Variants in CASK observed in about 807,000 individuals in gnomAD.
The protein encoded by CASK is peripheral plasma membrane protein CASK.
CASK carries 4 observed loss-of-function variants against 82.9 expected under a neutral mutation model. The observed-to-expected ratio is 0.05, with a 90% CI of 0.02 to 0.11. The LOEUF is 0.11. Ranked by LOEUF, CASK falls within the 10% of genes least tolerant of loss-of-function variation. The pLI is 1.00. For synonymous variants in CASK, 259 were observed against 253.5 expected (o/e 1.02, Z -0.20); for missense variants, 358 against 720.9 (o/e 0.50, Z 5.76).
intron 9 of CASK, among the ~76,000 whole-genome samples, chrX:41,627,789 G>A (rs1381613998): frequency 8.9e-6 from 1 of 112,447 alleles, no homozygotes; most frequent in Non-Finnish European, 1.9e-5. Context: ...GAACACCTGA[G>A]GTCGGGAGTT....
At chrX:41,691,712 C>T (rs1307298685) in intron 5 of CASK, among the ~76,000 whole-genome samples, 1 of 108,197 alleles carries the variant, frequency 9.2e-6, no homozygotes, top group African/African-American at 3.4e-5. Context: ...CAAAAATTAG[C>T]TGGATGTGGT....
intron 12 of CASK, among the ~76,000 whole-genome samples, chrX:41,596,194 C>CAAA (rs146680841): frequency 1.6e-5 from 1 of 61,588 alleles, no homozygotes; most frequent in Non-Finnish European, 2.9e-5. Context: ...GACTCTGTCT[C>CAAA]AAAAAAAAAA....
chrX:41,834,565 C>G (rs1325784541), intron 2 of CASK, among the ~76,000 whole-genome samples: 1 of 110,996 alleles, frequency 9.0e-6, no homozygotes, highest in Non-Finnish European at 1.9e-5. Flanking sequence ...CTTCCTCCCA[C>G]CAAGTTCTTT....
chrX:41,542,964 T>C (rs1372797737), intron 21 of CASK, among the ~76,000 whole-genome samples, 158 bp from the exon 22 acceptor site: 1 of 112,763 alleles, frequency 8.9e-6, no homozygotes, highest in Non-Finnish European at 1.9e-5. Context: ...TTGGTTTTCA[T>C]GACAATTTCC....
At chrX:41,732,446 C>T (rs1251399981) in intron 5 of CASK, among the ~76,000 whole-genome samples, 3 of 111,262 alleles carry the variant, frequency 2.7e-5, no homozygotes, top group African/African-American at 3.3e-5. Flanking sequence ...GTGGGAGTTA[C>T]GGGCAAATCT....
At chrX:41,760,589 T>C (rs917893971) in intron 3 of CASK, among the ~76,000 whole-genome samples, 1 of 110,777 alleles carries the variant, frequency 9.0e-6, no homozygotes, top group Non-Finnish European at 1.9e-5. Flanking sequence ...CAGACAGGGT[T>C]TCATGGGGTT....
chrX:41,894,980 A>T (rs111327832), intron 1 of CASK, among the ~76,000 whole-genome samples: 178 of 111,851 alleles, frequency 1.6e-3, no homozygotes, highest in African/African-American at 5.6e-3. Flanking sequence ...GAATCTTTGA[A>T]ATGGTATATC....
At chrX:41,726,947 G>A in intron 5 of CASK, 1 of 526,747 alleles carries the variant, frequency 1.9e-6, no homozygotes, top group Non-Finnish European at 3.0e-6. Context: ...CTTAAATACT[G>A]TACCAAAAAT....
chrX:41,690,873 A>G (rs1366726576), intron 5 of CASK, among the ~76,000 whole-genome samples: 1 of 108,567 alleles, frequency 9.2e-6, no homozygotes, highest in Non-Finnish European at 1.9e-5. Flanking sequence ...GGGTTTCACC[A>G]TCTTGCCCAG....
At chrX:41,729,806 ATG>A (rs1365367795) in intron 5 of CASK, 2 of 88,121 alleles carry the variant, frequency 2.3e-5, no homozygotes, top group Non-Finnish European at 2.4e-5. Context: ...ATATATATAT[ATG>A]TATGTATGTA....
intron 22 of CASK, among the ~76,000 whole-genome samples, chrX:41,537,394 A>G (rs956972451): frequency 4.5e-5 from 5 of 111,595 alleles, no homozygotes; most frequent in Non-Finnish European, 7.5e-5. Flanking sequence ...CTTGCTGATT[A>G]AAAAAAGGAC....
chrX:41,656,993 G>A (rs1023277010), intron 8 of CASK, among the ~76,000 whole-genome samples: 7 of 111,080 alleles, frequency 6.3e-5, no homozygotes, highest in Admixed American at 2.9e-4. Flanking sequence ...TGTGCAAAAC[G>A]GGTTAATTGT....
intron 11 of CASK, among the ~76,000 whole-genome samples, chrX:41,614,704 A>G (rs1465094534): frequency 9.0e-6 from 1 of 111,534 alleles, no homozygotes; most frequent in Non-Finnish European, 1.9e-5. Context: ...TATTTTTAGT[A>G]GAGACGGGGT....
Position 41,561,832 on chromosome X carries a change from C to G in CASK, c.1583-188G>C. On this transcript the variant is annotated intron_variant, in intron 16 of 26. Coordinates refer to ENST00000378163, the MANE Select transcript of CASK (RefSeq NM_001367721.1). ...AGTAACCTCATCAAAACAGATATAT[C>G]TACTTGTGGAAGGCACAGTTTTGAT... 9.6e-6 allele frequency: 4 copies of G among 417,033 alleles called. No individual in the cohort carries two copies. In the South Asian group the frequency reaches 1.5e-4, roughly 16 times the overall value. The allele number at this position is 417,033 out of a possible 1,213,427, so 34.4% of individuals were successfully genotyped here.
At chrX:41,773,374 C>CA (rs552195137) in intron 3 of CASK, among the ~76,000 whole-genome samples, 1,313 of 48,033 alleles carry the variant, frequency 0.027, 34 homozygotes, top group African/African-American at 0.089. Flanking sequence ...GACCCTGTCT[C>CA]AAAAAAAAAA....
intron 5 of CASK, chrX:41,696,958 G>T: frequency 3.0e-6 from 1 of 335,637 alleles, no homozygotes; most frequent in Non-Finnish European, 5.3e-6. Flanking sequence ...AAATCTGTAT[G>T]TAAAATCTTT....
chrX:41,663,586 C>T (rs1470964616), intron 7 of CASK, among the ~76,000 whole-genome samples: 2 of 111,704 alleles, frequency 1.8e-5, no homozygotes, highest in Non-Finnish European at 3.8e-5. Flanking sequence ...TAAAAATAGA[C>T]GAAATAAAAT....
intron 15 of CASK, among the ~76,000 whole-genome samples, chrX:41,571,642 T>A (rs1384877375): frequency 8.9e-6 from 1 of 112,107 alleles, no homozygotes; most frequent in Non-Finnish European, 1.9e-5. Flanking sequence ...GCTTTCTATT[T>A]CATTAATTTC....
At chrX:41,688,330 A>T (rs1345097425) in intron 5 of CASK, among the ~76,000 whole-genome samples, 1 of 112,008 alleles carries the variant, frequency 8.9e-6, no homozygotes, top group Non-Finnish European at 1.9e-5. Context: ...ATTTCAAATG[A>T]CAACAAAAAA....
Sources: allele counts gnomAD v4.1 joint callset (sites outside exome capture counted in the v4.1 genomes callset), GRCh38; gene constraint gnomAD v4.1.1; transcripts MANE v1.5; gene names NCBI Gene and HGNC (gene_info 2026-07-23, HGNC 2026-07-21).